The following RNF138 variants were observed in gnomAD, a reference collection of about 807,000 sequenced individuals.
RNF138 encodes E3 ubiquitin-protein ligase RNF138.
In RNF138, 12 loss-of-function variants were observed where a neutral mutation model predicts 31.0. That is an observed-to-expected ratio of 0.39 (90% CI 0.25 to 0.63). RNF138 has a LOEUF of 0.63. RNF138 is among the 20% of genes least tolerant of loss of function. The pLI is 0.52. For missense variants in RNF138, 192 were observed against 300.1 expected, an observed-to-expected ratio of 0.64 and a Z score of 2.66; for synonymous variants, 105 against 99.5, an observed-to-expected ratio of 1.06 and a Z score of -0.33.
intron 4 of RNF138, among the ~76,000 whole-genome samples, chr18:32,122,032 C>T (rs1032946486): frequency 6.6e-6 from 1 of 152,068 alleles, no homozygotes; most frequent in African/African-American, 2.4e-5. Context: ...CCACACCCGG[C>T]TAATTTTTGT....
chr18:32,105,006 T>C (rs1473257912), intron 2 of RNF138, among the ~76,000 whole-genome samples: 1 of 152,202 alleles, frequency 6.6e-6, no homozygotes, highest in African/African-American at 2.4e-5. Context: ...ACAATAGTAA[T>C]TAGTATGGTT....
intron 2 of RNF138, among the ~76,000 whole-genome samples, chr18:32,097,052 A>G (rs1367100881): frequency 1.3e-5 from 2 of 151,396 alleles, no homozygotes; most frequent in Non-Finnish European, 3.0e-5. Flanking sequence ...TTTGAAAAAC[A>G]TGTTAAGACA....
At chr18:32,123,466 A>T in intron 4 of RNF138, 52 bp from the exon 5 acceptor site, 1 of 1,127,442 alleles carries the variant, frequency 8.9e-7, no homozygotes, top group Non-Finnish European at 1.3e-6. Context: ...ATGAACCTTT[A>T]GTGTGTTTTC....
intron 5 of RNF138, 58 bp from the exon 6 acceptor site, chr18:32,124,676 G>C: frequency 1.1e-5 from 9 of 828,844 alleles, no homozygotes; most frequent in Non-Finnish European, 4.2e-6. Flanking sequence ...AAAAATAGGA[G>C]AGCGTTATTT....
chr18:32,111,298 A>G (rs1204256670), intron 2 of RNF138, among the ~76,000 whole-genome samples: 1 of 152,212 alleles, frequency 6.6e-6, no homozygotes, highest in Non-Finnish European at 1.5e-5. Context: ...TTGTGGAACA[A>G]CATGTCGATA....
intron 7 of RNF138, among the ~76,000 whole-genome samples, 158 bp downstream of exon 7, chr18:32,126,958 T>C (rs1195664730): frequency 6.6e-6 from 1 of 152,204 alleles, no homozygotes; most frequent in Admixed American, 6.5e-5. Flanking sequence ...GAACTTTAGC[T>C]TGTAGAAATG....
At chr18:32,122,760 G>T (rs902028676) in intron 4 of RNF138, among the ~76,000 whole-genome samples, 2 of 152,174 alleles carry the variant, frequency 1.3e-5, no homozygotes, top group African/African-American at 4.8e-5. Flanking sequence ...GGAGGCAGAG[G>T]TTGCAGTGAG....
intron 6 of RNF138, 139 bp from the exon 7 acceptor site, chr18:32,126,554 G>C (rs1171948641): frequency 5.6e-6 from 3 of 534,350 alleles, no homozygotes; most frequent in Non-Finnish European, 1.0e-5. Flanking sequence ...AAATGATCTA[G>C]TCATGGAACT....
chr18:32,114,531 C>A (rs1342854167), intron 4 of RNF138, among the ~76,000 whole-genome samples: 1 of 152,180 alleles, frequency 6.6e-6, no homozygotes, highest in Non-Finnish European at 1.5e-5. Context: ...ATGTGAGCTC[C>A]TGCCCATTTG....
In RNF138 at chr18:32,092,763, C is replaced by T. The variant is rs769886830; in HGVS notation, c.-14C>T. 2 of 1,530,256 alleles carry T rather than the reference C, an allele frequency of 1.3e-6. No individual in the cohort carries two copies. Among genetic ancestry groups the T allele is most frequent in the Non-Finnish European group, 1.8e-6 (2 of 1,131,202 alleles). 94.8% of individuals were successfully genotyped at this position (1,530,256 alleles called of 1,614,324 possible). On this transcript the variant is annotated 5_prime_UTR_variant, in exon 2 of 8. Coordinates refer to ENST00000261593, the MANE Select transcript of RNF138 (RefSeq NM_016271.5). ...TGCCGCTGTCGCCATCGCCTTGTTT[C>T]CCCATCCCCCGCCATGGCCGAGGAC...
intron 3 of RNF138, among the ~76,000 whole-genome samples, chr18:32,112,999 A>G (rs1388166002): frequency 1.3e-5 from 2 of 152,208 alleles, no homozygotes; most frequent in Non-Finnish European, 2.9e-5. Flanking sequence ...CAATGACGTG[A>G]AGCTGGAAAA....
chr18:32,100,628 A>C (rs1306002362), intron 2 of RNF138, among the ~76,000 whole-genome samples: 1 of 151,944 alleles, frequency 6.6e-6, no homozygotes, highest in African/African-American at 2.4e-5. Flanking sequence ...GGCATGCGCC[A>C]CCAGGCCTGG....
intron 2 of RNF138, among the ~76,000 whole-genome samples, chr18:32,100,691 G>T (rs2039919753): frequency 6.6e-6 from 1 of 152,210 alleles, no homozygotes; most frequent in Admixed American, 6.5e-5. Context: ...GGTCAGGCTG[G>T]TCTCGAACTC....
At chr18:32,094,565 C>T (rs565869691) in intron 2 of RNF138, among the ~76,000 whole-genome samples, 1 of 152,026 alleles carries the variant, frequency 6.6e-6, no homozygotes, top group East Asian at 1.9e-4. Context: ...GATATGCCAT[C>T]CTCAAACCTT....
chr18:32,100,935 A>T (rs1291886572), intron 2 of RNF138, among the ~76,000 whole-genome samples: 5 of 152,218 alleles, frequency 3.3e-5, no homozygotes, highest in Non-Finnish European at 5.9e-5. Context: ...ATAAATGCTC[A>T]GAAAAATGGT....
chr18:32,095,934 G>T (rs2039796834), intron 2 of RNF138, among the ~76,000 whole-genome samples: 1 of 152,166 alleles, frequency 6.6e-6, no homozygotes, highest in African/African-American at 2.4e-5. Flanking sequence ...TTAGCCTAAA[G>T]GATAGGGATA....
chr18:32,123,049 C>A (rs928542335), intron 4 of RNF138, among the ~76,000 whole-genome samples: 2 of 152,092 alleles, frequency 1.3e-5, no homozygotes, highest in Non-Finnish European at 2.9e-5. Flanking sequence ...AAATAAAATA[C>A]AAACATAATG....
At chr18:32,108,550 A>C (rs2040074087) in intron 2 of RNF138, among the ~76,000 whole-genome samples, 1 of 152,122 alleles carries the variant, frequency 6.6e-6, no homozygotes, top group South Asian at 2.1e-4. Context: ...AATATACCAT[A>C]ATTAGTTATG....
In RNF138 at chr18:32,112,039, G is replaced by C. The variant is rs145207302; in HGVS notation, c.276+120G>C. On this transcript the variant is annotated intron_variant, in intron 3 of 7. Transcript: ENST00000261593. ...GAAAAGATGAAAGGTATTTAGACTG[G>C]GAATTGGATAGAAAAGGCCAAAAAA... 40 of 820,088 alleles carry C rather than the reference G, an allele frequency of 4.9e-5. No individual in the cohort carries two copies. The African/African-American group carries it at 6.9e-4, about 14-fold the overall frequency. 50.8% of individuals were successfully genotyped at this position (820,088 alleles called of 1,614,324 possible).
Sources: gnomAD v4.1 joint callset for allele counts (sites outside exome capture counted in the v4.1 genomes callset) on GRCh38, gnomAD v4.1.1 for gene constraint, MANE v1.5 for transcripts, NCBI Gene and HGNC (gene_info 2026-07-23, HGNC 2026-07-21) for gene names.